The following CSMD2 variants were observed in gnomAD, a reference collection of about 807,000 sequenced individuals.
CSMD2 encodes CUB and Sushi multiple domains 2, also known as CUB and sushi domain-containing protein 2.
In CSMD2, 130 loss-of-function variants were observed where a neutral mutation model predicts 398.5. The observed-to-expected ratio is 0.33, with a 90% CI of 0.28 to 0.38. CSMD2 has a LOEUF of 0.38. CSMD2 is among the 10% of genes least tolerant of loss of function. The probability of loss-of-function intolerance (pLI) is 1.00; values close to 1 mark genes in which losing one functional copy is unlikely to be tolerated. For synonymous variants in CSMD2, 1,828 were observed against 1,908.5 expected (o/e 0.96, Z 1.10); for missense variants, 3,829 against 4,764.9 (o/e 0.80, Z 5.78).
intron 5 of CSMD2, among the ~76,000 whole-genome samples, chr1:33,849,443 A>G (rs931190035): frequency 2.6e-5 from 4 of 152,190 alleles, no homozygotes; most frequent in African/African-American, 4.8e-5. Context: ...AACTCTGCAA[A>G]AGAGTTTAGT....
chr1:33,642,484 T>C (rs1187323009), intron 29 of CSMD2, among the ~76,000 whole-genome samples: 2 of 151,308 alleles, frequency 1.3e-5, no homozygotes, highest in South Asian at 4.2e-4. Flanking sequence ...GAGGGGAGAA[T>C]GTAGCAAGTG....
At chr1:34,096,038 A>T (rs1176566961) in intron 1 of CSMD2, among the ~76,000 whole-genome samples, 1 of 152,048 alleles carries the variant, frequency 6.6e-6, no homozygotes, top group Non-Finnish European at 1.5e-5. Context: ...CGAATCCAGC[A>T]GCACATCAAA....
At chr1:33,611,388 G>T in intron 40 of CSMD2, 138 bp from the exon 41 acceptor site, 2 of 723,634 alleles carry the variant, frequency 2.8e-6, no homozygotes, top group Admixed American at 2.6e-5. Context: ...CCTAGAACTG[G>T]CTTTGGGAAT....
At position 34,089,096 on chromosome 1, in the gene CSMD2, G is replaced by A. The variant is rs1451547624; in HGVS notation, c.285C>T (p.Thr95=). The A allele has an allele frequency of 1.2e-6, 2 of 1,614,156 alleles. No individual in the cohort carries two copies. The highest frequency in any genetic ancestry group is 1.7e-6 in the Non-Finnish European group (2 of 1,180,016). ...GYPNYANCTW[T]ITAEEQHRIQ... is the part of the protein sequence containing the mutation. ...TTCTGTGCTGCTCTTCCGCGGTGAT[G>A]GTCCACGTGCAGTTGGCGTAATTGG... The change falls in exon 2 of 71, where the codon ACC becomes ACT. Residue 95 remains threonine (T), a synonymous_variant. Transcript: ENST00000373381.
chr1:33,890,190 G>T (rs1416711924), intron 5 of CSMD2, among the ~76,000 whole-genome samples: 1 of 150,466 alleles, frequency 6.6e-6, no homozygotes, highest in Non-Finnish European at 1.5e-5. Flanking sequence ...CTTTTGTGGG[G>T]ATCTAAATAT....
At chr1:33,818,411 T>C (rs530942507) in intron 9 of CSMD2, among the ~76,000 whole-genome samples, 2 of 152,350 alleles carry the variant, frequency 1.3e-5, no homozygotes, top group African/African-American at 4.8e-5. Context: ...GGATATTTTT[T>C]TTCTTCTAGC....
chr1:33,631,162 A>G (rs946940038), intron 32 of CSMD2, among the ~76,000 whole-genome samples: 1 of 152,116 alleles, frequency 6.6e-6, no homozygotes, highest in African/African-American at 2.4e-5. Flanking sequence ...ACAGCCGAGT[A>G]AAAAGGGGAT....
intron 5 of CSMD2, chr1:33,864,077 G>A: frequency 1.0e-6 from 1 of 985,414 alleles, no homozygotes; most frequent in Non-Finnish European, 1.5e-6. Context: ...TACAGCTCTT[G>A]CAGACAGAAA....
intron 5 of CSMD2, among the ~76,000 whole-genome samples, chr1:33,894,082 G>T (rs1251818849): frequency 1.3e-5 from 2 of 152,094 alleles, no homozygotes; most frequent in Non-Finnish European, 2.9e-5. Flanking sequence ...TTCTGTGCCT[G>T]CTTGCTAGGA....
chr1:33,697,120 T>A (rs1472435872), intron 24 of CSMD2, among the ~76,000 whole-genome samples: 1 of 152,216 alleles, frequency 6.6e-6, no homozygotes, highest in African/African-American at 2.4e-5. Flanking sequence ...CCAACTGGCA[T>A]ATTTGATATT....
intron 1 of CSMD2, among the ~76,000 whole-genome samples, chr1:34,137,062 C>T (rs922222598): frequency 6.6e-6 from 1 of 152,130 alleles, no homozygotes; most frequent in Non-Finnish European, 1.5e-5. Context: ...ATCCATCCCC[C>T]CATCTAATAC....
chr1:33,778,081 G>A (rs946218812), intron 12 of CSMD2, among the ~76,000 whole-genome samples: 1 of 152,122 alleles, frequency 6.6e-6, no homozygotes, highest in Non-Finnish European at 1.5e-5. Flanking sequence ...CATGACTAAC[G>A]CCTTGCATTA....
rs1553207697 is a variant in CSMD2, at chr1:33,790,834, T to TATCTATCTATC, written c.1550+1578_1550+1588dup. Among the ~76,000 whole-genome samples, 119 of 150,540 alleles carry TATCTATCTATC rather than the reference T, an allele frequency of 7.9e-4. 4 individuals carry two copies. The East Asian group carries it at 0.019, about 23-fold the overall frequency. ...CTATCTATCTATCTATCTATCTATC[T>TATCTATCTATC]ATCTATCTATCATCTATCTATCTAT... On this transcript the variant is annotated intron_variant, in intron 11 of 70. Transcript: ENST00000373381.
At chr1:33,805,454 G>A (rs10914783) in intron 10 of CSMD2, among the ~76,000 whole-genome samples, 17,629 of 151,884 alleles carry the variant, frequency 0.12, 1,849 homozygotes, top group African/African-American at 0.28. Context: ...CCAGGCACCC[G>A]GACCAAACAA....
At chr1:34,049,139 T>C (rs1558301088) in intron 2 of CSMD2, among the ~76,000 whole-genome samples, 1 of 152,192 alleles carries the variant, frequency 6.6e-6, no homozygotes, top group Non-Finnish European at 1.5e-5. Flanking sequence ...AAGTCACACG[T>C]TGTGAACAGT....
intron 1 of CSMD2, among the ~76,000 whole-genome samples, chr1:34,135,510 C>G (rs770070692): frequency 1.3e-5 from 2 of 148,688 alleles, no homozygotes; most frequent in African/African-American, 5.0e-5. Context: ...CCCAGCTACT[C>G]GGGAGGCTAA....
intron 3 of CSMD2, among the ~76,000 whole-genome samples, chr1:34,019,297 A>G: frequency 6.6e-6 from 1 of 152,148 alleles, no homozygotes; most frequent in East Asian, 1.9e-4. Context: ...CTAGGGCTCC[A>G]CCCACATCAC....
intron 3 of CSMD2, among the ~76,000 whole-genome samples, chr1:33,941,809 T>C (rs1159524189): frequency 1.3e-5 from 2 of 151,972 alleles, no homozygotes; most frequent in East Asian, 3.9e-4. Context: ...TCCTCTCCAT[T>C]CAACTGATAT....
At chr1:34,068,883 A>C (rs1264063709) in intron 2 of CSMD2, among the ~76,000 whole-genome samples, 2 of 152,196 alleles carry the variant, frequency 1.3e-5, no homozygotes, top group Non-Finnish European at 2.9e-5. Context: ...CATCCATGTA[A>C]GATGTGACTT....
Sources: allele counts gnomAD v4.1 joint callset (sites outside exome capture counted in the v4.1 genomes callset), GRCh38; gene constraint gnomAD v4.1.1; transcripts MANE v1.5; gene names NCBI Gene and HGNC (gene_info 2026-07-23, HGNC 2026-07-21).